The following DMD variants were observed in gnomAD, a reference collection of about 807,000 sequenced individuals.
DMD encodes dystrophin, also known as mutant dystrophin.
Under a neutral mutation model 330.1 loss-of-function variants are expected in DMD, and 63 were observed. The ratio of observed to expected loss-of-function variants is 0.19; its 90% confidence interval spans 0.16 to 0.24. The LOEUF is 0.24. Ranked by LOEUF, DMD falls within the 10% of genes least tolerant of loss-of-function variation. The pLI is 1.00. For synonymous variants in DMD, 1,223 were observed against 959.8 expected (o/e 1.27, Z -5.07); for missense variants, 3,344 against 2,684.1 (o/e 1.25, Z -5.43).
intron 9 of DMD, among the ~76,000 whole-genome samples, chrX:32,688,609 A>C: frequency 9.0e-6 from 1 of 111,621 alleles, no homozygotes; most frequent in Non-Finnish European, 1.9e-5. Flanking sequence ...ACTATGCATT[A>C]ATTATTTTAG....
At chrX:32,723,668 C>A (rs1300575392) in intron 7 of DMD, among the ~76,000 whole-genome samples, 1 of 110,823 alleles carries the variant, frequency 9.0e-6, no homozygotes, top group Non-Finnish European at 1.9e-5. Context: ...GGTATTCTTA[C>A]CATACCAAAA....
chrX:32,313,969 C>T (rs1404628191), intron 41 of DMD, among the ~76,000 whole-genome samples: 3 of 111,107 alleles, frequency 2.7e-5, no homozygotes, highest in African/African-American at 3.3e-5. Flanking sequence ...ATGGCCATAG[C>T]GCCCAAAGTA....
At position 32,736,976 on chromosome X, in the gene DMD, T is replaced by C. The variant is rs1048632751; in HGVS notation, c.650-37683A>G. Among the ~76,000 whole-genome samples the C allele has an allele frequency of 8.1e-5, 9 of 111,354 alleles. No individual in the cohort carries two copies. The Admixed American group carries it at 8.6e-4, about 11-fold the overall frequency. On this transcript the variant is annotated intron_variant, in intron 7 of 78. Transcript: ENST00000357033. ...ACCAAAATGTTTGTTAAAATAACCATTAACCACATATATATCCAAATATTC... is the reference window on the plus strand; with the variant it reads ...ACCAAAATGTTTGTTAAAATAACCACTAACCACATATATATCCAAATATTC...
At chrX:33,254,550 G>T (rs1346838142) in intron 1 of DMD, among the ~76,000 whole-genome samples, 1 of 110,096 alleles carries the variant, frequency 9.1e-6, no homozygotes, top group Non-Finnish European at 1.9e-5. Context: ...TCTTATAATA[G>T]TGGGGAGATA....
At chrX:32,293,214 T>C (rs893908700) in intron 42 of DMD, among the ~76,000 whole-genome samples, 16 of 112,489 alleles carry the variant, frequency 1.4e-4, no homozygotes, top group Admixed American at 6.6e-4. Flanking sequence ...AAACTGTCTT[T>C]TAGCAATTTC....
intron 30 of DMD, among the ~76,000 whole-genome samples, chrX:32,402,140 C>A (rs144215867): frequency 9.0e-6 from 1 of 111,326 alleles, no homozygotes; most frequent in Non-Finnish European, 1.9e-5. Flanking sequence ...TAAGATCTTG[C>A]GGACATCAGT....
At chrX:32,885,429 CA>C (rs11407092) in intron 2 of DMD, among the ~76,000 whole-genome samples, 1,924 of 108,629 alleles carry the variant, frequency 0.018, 48 homozygotes, top group African/African-American at 0.061. Flanking sequence ...AGAGAAATGA[CA>C]AAAAAAAGTC....
Position 31,471,377 on chromosome X carries a change from C to T in DMD, c.8937+6729G>A, listed in dbSNP as rs184136398. On this transcript the variant is annotated intron_variant, in intron 59 of 78. Transcript: ENST00000357033. ...TGCTCCGTTCCTCAGGGCACAGTCC[C>T]TCACGGCTTCTGTTGGCTAGGGGAG... Among the ~76,000 whole-genome samples, 5 of 111,924 alleles carry T rather than the reference C, an allele frequency of 4.5e-5. No individual in the cohort carries two copies. In the East Asian group the frequency reaches 1.4e-3, roughly 32 times the overall value.
intron 6 of DMD, among the ~76,000 whole-genome samples, chrX:32,815,013 A>T (rs1181314390): frequency 9.0e-6 from 1 of 111,230 alleles, no homozygotes; most frequent in Non-Finnish European, 1.9e-5. Flanking sequence ...CTTCTCATCT[A>T]ACTGTATTGA....
chrX:33,062,166 T>C (rs1002108430), intron 1 of DMD, among the ~76,000 whole-genome samples: 54 of 112,004 alleles, frequency 4.8e-4, no homozygotes, highest in Non-Finnish European at 9.0e-4. Flanking sequence ...CAGAAGTTGA[T>C]TGTATTCCAG....
chrX:32,697,682 T>C (rs977404610), intron 9 of DMD, among the ~76,000 whole-genome samples, 188 bp downstream of exon 9: 1 of 111,930 alleles, frequency 8.9e-6, no homozygotes, highest in African/African-American at 3.2e-5. Flanking sequence ...AATCAACGTA[T>C]AGTAAACCTA....
intron 50 of DMD, among the ~76,000 whole-genome samples, chrX:31,804,779 T>C (rs2092230702): frequency 1.8e-5 from 2 of 109,879 alleles, no homozygotes; most frequent in African/African-American, 6.6e-5. Flanking sequence ...TGGAACACTC[T>C]CCCCTACTTG....
intron 1 of DMD, among the ~76,000 whole-genome samples, chrX:33,062,873 T>G: frequency 8.9e-6 from 1 of 112,380 alleles, no homozygotes; most frequent in East Asian, 2.8e-4. Flanking sequence ...CAAACATACT[T>G]GCAATCATCA....
chrX:32,089,352 C>T lies in DMD; in HGVS notation c.6439-120838G>A, dbSNP rs757835209. Among the ~76,000 whole-genome samples the T allele has an allele frequency of 3.0e-3, 335 of 111,263 alleles. 1 individual carries two copies. The highest frequency in any genetic ancestry group is 0.011 in the African/African-American group (324 of 30,609). On this transcript the variant is annotated intron_variant, in intron 44 of 78. Coordinates refer to ENST00000357033, the MANE Select transcript of DMD (RefSeq NM_004006.3). ...TGCTATACAGGTGAACTGCATTTTG[C>T]GGGGGTTTGGTGTAAAGATTATTTT...
chrX:31,996,089 T>A (rs1037274007), intron 44 of DMD, among the ~76,000 whole-genome samples: 1 of 111,692 alleles, frequency 9.0e-6, no homozygotes, highest in African/African-American at 3.3e-5. Flanking sequence ...CACCCATGAA[T>A]CGGCCATGGC....
In DMD at chrX:31,163,624, T is replaced by C. The variant is rs756126959; in HGVS notation, c.10553+5819A>G. On this transcript the variant is annotated intron_variant, in intron 74 of 78. Coordinates refer to ENST00000357033, the MANE Select transcript of DMD (RefSeq NM_004006.3). ...GGACATTTTAACATTCATTCCATTATGCTTCTTTCCTCCCTTCCTTACCCT... is the reference window on the plus strand; with the variant it reads ...GGACATTTTAACATTCATTCCATTACGCTTCTTTCCTCCCTTCCTTACCCT... 7.2e-5 allele frequency among the ~76,000 whole-genome samples: 8 copies of C among 111,879 alleles called. No homozygotes were observed. The East Asian group carries it at 2.0e-3, about 28-fold the overall frequency.
At chrX:31,219,833 T>C (rs867042250) in intron 64 of DMD, among the ~76,000 whole-genome samples, 28 of 100,351 alleles carry the variant, frequency 2.8e-4, no homozygotes, top group Admixed American at 2.3e-3. Context: ...GATCAATGTA[T>C]ACACACACAC....
At chrX:31,382,577 G>A (rs181937642) in intron 60 of DMD, among the ~76,000 whole-genome samples, 4 of 111,380 alleles carry the variant, frequency 3.6e-5, no homozygotes, top group Admixed American at 9.5e-5. Flanking sequence ...CTAATTAGAC[G>A]TCCTAGGTCC....
rs1181552364 is a variant in DMD, at chrX:32,401,549, T to A, written c.4233+10203A>T. ...ACTATGGAGATAGAGAGTAGAAGGA[T>A]CCTTACTAGAGGCTGGGAAGGGTAG... On this transcript the variant is annotated intron_variant, in intron 30 of 78. Transcript: ENST00000357033. 3.6e-5 allele frequency among the ~76,000 whole-genome samples: 4 copies of A among 110,680 alleles called. No individual in the cohort carries two copies. In the East Asian group the frequency reaches 8.6e-4, roughly 24 times the overall value.
Sources: gnomAD v4.1 joint callset for allele counts (sites outside exome capture counted in the v4.1 genomes callset) on GRCh38, gnomAD v4.1.1 for gene constraint, MANE v1.5 for transcripts, NCBI Gene and HGNC (gene_info 2026-07-23, HGNC 2026-07-21) for gene names.